TLE4: variants seen among roughly 807,000 people sequenced by gnomAD.
TLE4 encodes TLE family member 4, transcriptional corepressor.
A neutral mutation model predicts 92.8 loss-of-function variants in TLE4; 8 were observed. The ratio of observed to expected loss-of-function variants is 0.09; its 90% confidence interval spans 0.05 to 0.16. TLE4 has a LOEUF of 0.16. Ranked by LOEUF, TLE4 falls within the 10% of genes least tolerant of loss-of-function variation. The probability of loss-of-function intolerance (pLI) is 1.00; values close to 1 mark genes in which losing one functional copy is unlikely to be tolerated. For missense variants in TLE4, 675 were observed against 997.6 expected, an observed-to-expected ratio of 0.68 and a Z score of 4.36; for synonymous variants, 371 against 374.1, an observed-to-expected ratio of 0.99 and a Z score of 0.10.
intron 6 of TLE4, among the ~76,000 whole-genome samples, chr9:79,645,208 T>G (rs1163855028): frequency 6.6e-6 from 1 of 152,092 alleles, no homozygotes; most frequent in Non-Finnish European, 1.5e-5. Context: ...GCACAAGATA[T>G]AGCAGGTTCA....
At chr9:79,633,213 G>T (rs1012654673) in intron 6 of TLE4, among the ~76,000 whole-genome samples, 2 of 152,020 alleles carry the variant, frequency 1.3e-5, no homozygotes, top group African/African-American at 2.4e-5. Context: ...TAAAAACTCT[G>T]CCTGCACTTC....
At chr9:79,586,464 CA>C (rs1400764342) in intron 4 of TLE4, among the ~76,000 whole-genome samples, 10 of 152,110 alleles carry the variant, frequency 6.6e-5, no homozygotes, top group African/African-American at 2.2e-4. Flanking sequence ...GACTATGTAG[CA>C]GTTTATTACC....
chr9:79,634,389 C>T (rs1277138484), intron 6 of TLE4, among the ~76,000 whole-genome samples: 7 of 152,114 alleles, frequency 4.6e-5, no homozygotes. Context: ...AAGAATGAAG[C>T]AGCATACATT....
In TLE4 at chr9:79,718,712, A is replaced by T. The variant is rs529724901; in HGVS notation, c.1341-10A>T. ...TTCCCCTCTTTCTTTTTTCCTCTCC[A>T]TTGCCTTAGAGCATACTCCTTCCAT... On this transcript the variant is annotated splice_polypyrimidine_tract_variant and intron_variant, in intron 14 of 19. Coordinates refer to ENST00000376552, the MANE Select transcript of TLE4 (RefSeq NM_007005.6). 3.1e-6 allele frequency: 5 copies of T among 1,598,926 alleles called. No individual in the cohort carries two copies. Among genetic ancestry groups the T allele is most frequent in the Middle Eastern group, 1.7e-4 (1 of 5,998 alleles).
At chr9:79,614,157 T>C (rs1440696878) in intron 5 of TLE4, among the ~76,000 whole-genome samples, 1 of 152,052 alleles carries the variant, frequency 6.6e-6, no homozygotes. Flanking sequence ...CAGCTCTGCT[T>C]TATGGAGATG....
chr9:79,681,852 GTGTGTGTGTGTA>G lies in TLE4; in HGVS notation c.610-22919_610-22908del, dbSNP rs1358708229. On this transcript the variant is annotated intron_variant, in intron 8 of 19. Coordinates refer to ENST00000376552, the MANE Select transcript of TLE4 (RefSeq NM_007005.6). ...TGTGCATGTGTGTGTGTGTGTGTGT[GTGTGTGTGTGTA>G]TGTGTGTGTGTGTGTAATTTGGTAT... 1.8e-3 allele frequency among the ~76,000 whole-genome samples: 267 copies of G among 148,374 alleles called. 1 individual carries two copies. The highest frequency in any genetic ancestry group is 6.4e-3 in the African/African-American group (254 of 39,748).
intron 6 of TLE4, among the ~76,000 whole-genome samples, chr9:79,632,713 A>G (rs1314214709): frequency 2.0e-5 from 3 of 152,156 alleles, no homozygotes; most frequent in African/African-American, 7.2e-5. Context: ...CTTGCAGCTG[A>G]TTACTATTGG....
intron 4 of TLE4, among the ~76,000 whole-genome samples, chr9:79,599,541 C>T (rs903778455): frequency 6.6e-5 from 10 of 152,242 alleles, no homozygotes; most frequent in Middle Eastern, 3.4e-3. Flanking sequence ...CGAATTTTGA[C>T]GAGAAAGGGT....
intron 4 of TLE4, among the ~76,000 whole-genome samples, chr9:79,596,007 A>G (rs559835676): frequency 1.3e-5 from 2 of 151,734 alleles, no homozygotes; most frequent in Non-Finnish European, 2.9e-5. Flanking sequence ...CCACCACGCC[A>G]TGCTATTTTT....
intron 8 of TLE4, among the ~76,000 whole-genome samples, chr9:79,691,589 T>G (rs2067095390): frequency 6.6e-6 from 1 of 152,040 alleles, no homozygotes; most frequent in Non-Finnish European, 1.5e-5. Flanking sequence ...CACCCCTCTG[T>G]GCTCTCCCAC....
In TLE4 at chr9:79,576,980, C is replaced by CAT. The variant is rs751139268; in HGVS notation, c.252+815_252+816dup. On this transcript the variant is annotated intron_variant, in intron 4 of 19. Transcript: ENST00000376552. ...ACACACACACAAATATATATACATA[C>CAT]ATATATATATATAAATATTGTTTGG... 2.1e-3 allele frequency among the ~76,000 whole-genome samples: 315 copies of CAT among 150,290 alleles called. 3 individuals carry two copies. The highest frequency in any genetic ancestry group is 6.5e-3 in the African/African-American group (267 of 40,796).
At chr9:79,690,946 T>G (rs1018304998) in intron 8 of TLE4, among the ~76,000 whole-genome samples, 1 of 152,108 alleles carries the variant, frequency 6.6e-6, no homozygotes, top group Non-Finnish European at 1.5e-5. Flanking sequence ...ATTCCTGCCA[T>G]TTTTACACTA....
At chr9:79,724,182 T>A (rs76646551) in intron 19 of TLE4, among the ~76,000 whole-genome samples, 1 of 151,742 alleles carries the variant, frequency 6.6e-6, no homozygotes, top group Non-Finnish European at 1.5e-5. Context: ...TTTTTTTTTT[T>A]AATGTATTCT....
At chr9:79,606,190 T>G (rs867317434) in intron 4 of TLE4, among the ~76,000 whole-genome samples, 292 of 63,668 alleles carry the variant, frequency 4.6e-3, no homozygotes, top group Non-Finnish European at 6.7e-3. Flanking sequence ...AGTAGTTGTT[T>G]TTTTTTTTTT....
intron 5 of TLE4, among the ~76,000 whole-genome samples, chr9:79,622,501 C>T (rs1231370479): frequency 2.0e-5 from 3 of 152,276 alleles, no homozygotes; most frequent in African/African-American, 4.8e-5. Context: ...GGAATCTTCC[C>T]CTAGCCCCAA....
chr9:79,692,397 A>G (rs1246706108), intron 8 of TLE4, among the ~76,000 whole-genome samples: 2 of 152,202 alleles, frequency 1.3e-5, no homozygotes, highest in Admixed American at 6.5e-5. Context: ...TCAAAGGCTT[A>G]GAGGAGACAT....
chr9:79,639,884 A>G (rs115451513), intron 6 of TLE4, among the ~76,000 whole-genome samples: 1,715 of 152,298 alleles, frequency 0.011, 38 homozygotes, highest in African/African-American at 0.039. Flanking sequence ...GTATGACTAT[A>G]GATAGATACA....
At chr9:79,599,298 A>G (rs2044949348) in intron 4 of TLE4, among the ~76,000 whole-genome samples, 1 of 152,098 alleles carries the variant, frequency 6.6e-6, no homozygotes, top group Non-Finnish European at 1.5e-5. Context: ...TTTTTATTGC[A>G]TGCATCCTGT....
chr9:79,701,292 A>C (rs1341641863), intron 8 of TLE4, among the ~76,000 whole-genome samples: 1 of 152,234 alleles, frequency 6.6e-6, no homozygotes, highest in Non-Finnish European at 1.5e-5. Context: ...AGAAACTCCA[A>C]CATGTAACTC....
Sources: allele counts gnomAD v4.1 joint callset (sites outside exome capture counted in the v4.1 genomes callset), GRCh38; gene constraint gnomAD v4.1.1; transcripts MANE v1.5; gene names NCBI Gene and HGNC (gene_info 2026-07-23, HGNC 2026-07-21).